GLMN: variants seen among roughly 807,000 people sequenced by gnomAD.
The protein encoded by GLMN is glomulin, FKBP associated protein, also known as glomulin.
GLMN carries 75 observed loss-of-function variants against 87.8 expected under a neutral mutation model. That is an observed-to-expected ratio of 0.85 (90% CI 0.71 to 1.04). The LOEUF is 1.04. Among genes scored for constraint, GLMN ranks in the 50% least tolerant of loss-of-function variants. The pLI, the probability that GLMN is intolerant of heterozygous loss-of-function variation, is 0.00. For synonymous variants in GLMN, 206 were observed against 221.6 expected (o/e 0.93, Z 0.63); for missense variants, 588 against 658.8 (o/e 0.89, Z 1.18).
At chr1:92,360,040 T>A in the GLMN span, among the ~76,000 whole-genome samples, 1 of 152,210 alleles carries the variant, frequency 6.6e-6, no homozygotes, top group Non-Finnish European at 1.5e-5. Flanking sequence ...AGAAATAGGC[T>A]CTGTAAAAAC....
At chr1:92,265,009 T>G (rs541796534) in intron 13 of GLMN, among the ~76,000 whole-genome samples, 3 of 152,268 alleles carry the variant, frequency 2.0e-5, no homozygotes, top group Non-Finnish European at 4.4e-5. Context: ...GCCTGGCTAA[T>G]TTTTTGTATT....
chr1:92,301,357 T>A (rs1650845673), upstream of GLMN: 2 of 406,206 alleles, frequency 4.9e-6, no homozygotes, highest in Non-Finnish European at 4.3e-6. Context: ...TCAAAAAATT[T>A]TTTAAATATA....
At chr1:92,255,342 A>C (rs1405692480) in intron 16 of GLMN, among the ~76,000 whole-genome samples, 6 of 152,204 alleles carry the variant, frequency 3.9e-5, no homozygotes, top group Admixed American at 3.9e-4. Context: ...AATATCAGAC[A>C]GATCAACAAG....
At chr1:92,280,700 A>C (rs1382774855) in intron 7 of GLMN, among the ~76,000 whole-genome samples, 1 of 139,316 alleles carries the variant, frequency 7.2e-6, no homozygotes. Flanking sequence ...AACCCATCAC[A>C]AGGAGGATAA....
In GLMN at chr1:92,271,728, C is replaced by T. The variant is rs75417918; in HGVS notation, c.736-76G>A. ...CCCCACCCCGTGTATTCAAACTCCA[C>T]ATTCTCACCAAGGGGAGGTGTAATC... On this transcript the variant is annotated intron_variant, in intron 7 of 18. Coordinates refer to ENST00000370360, the MANE Select transcript of GLMN (RefSeq NM_053274.3). 3.0e-3 allele frequency: 2,927 copies of T among 975,132 alleles called. 24 individuals are homozygous for T. The highest frequency in any genetic ancestry group is 0.012 in the Middle Eastern group (58 of 4,854). The allele number at this position is 975,132 out of a possible 1,614,324, so 60.4% of individuals were successfully genotyped here. A position where few individuals can be genotyped will look rare whatever the true frequency, so the allele number is the denominator to read the frequency against.
chr1:92,345,848 TAACA>T, the GLMN span: 1 of 1,577,296 alleles, frequency 6.3e-7, no homozygotes, highest in Non-Finnish European at 8.7e-7. Context: ...TCTTTCAGGT[TAACA>T]AATAGAAATA....
At chr1:92,266,551 C>T in intron 12 of GLMN, 59 bp from the exon 13 acceptor site, 1 of 1,134,130 alleles carries the variant, frequency 8.8e-7, no homozygotes, top group Non-Finnish European at 1.3e-6. Flanking sequence ...CAGACTTCAT[C>T]ACTATCCATT....
rs752651186 is a variant in GLMN, at chr1:92,286,573, AT to A, written c.651del (p.Lys217AsnfsTer5). ...AAGAATTGTGCTGTCAGCAAAGGGC[AT>A]TTCAAGCTTTTGAAACAACTAAGGC... ...ELLKFCFKSL[K>X]CPLLTAQFFE... On this transcript the variant is annotated frameshift_variant, in exon 7 of 19. Coordinates refer to ENST00000370360, the MANE Select transcript of GLMN (RefSeq NM_053274.3). LOFTEE classifies it high-confidence loss of function. The A allele has an allele frequency of 1.3e-6, 2 of 1,595,386 alleles. No homozygotes were observed. The highest frequency in any genetic ancestry group is 1.7e-6 in the Non-Finnish European group (2 of 1,163,358).
the GLMN span, among the ~76,000 whole-genome samples, chr1:92,343,047 G>A: frequency 1.7e-4 from 26 of 152,282 alleles, no homozygotes; most frequent in Non-Finnish European, 2.9e-4. Context: ...ATTTAAAGTC[G>A]TAAGATTGGA....
chr1:92,288,223 G>T (rs1444524612), intron 6 of GLMN, among the ~76,000 whole-genome samples: 1 of 152,028 alleles, frequency 6.6e-6, no homozygotes, highest in Non-Finnish European at 1.5e-5. Context: ...GGTCCAGTTG[G>T]ATGTTCTGTC....
intron 17 of GLMN, among the ~76,000 whole-genome samples, chr1:92,247,480 T>C (rs149564712): frequency 6.6e-6 from 1 of 152,166 alleles, no homozygotes; most frequent in Non-Finnish European, 1.5e-5. Flanking sequence ...ACCACAGATA[T>C]ACGGAAGAGA....
At chr1:92,311,338 A>G in the GLMN span, among the ~76,000 whole-genome samples, 3 of 152,236 alleles carry the variant, frequency 2.0e-5, no homozygotes, top group African/African-American at 4.8e-5. Context: ...AGTTTTCTAC[A>G]TAAGGAAATA....
the GLMN span, among the ~76,000 whole-genome samples, chr1:92,338,045 C>A: frequency 1.3e-5 from 2 of 152,010 alleles, no homozygotes; most frequent in Non-Finnish European, 2.9e-5. Context: ...AAAGTTATTA[C>A]TGATTGTTTT....
chr1:92,324,408 C>A, the GLMN span: 2 of 1,503,534 alleles, frequency 1.3e-6, no homozygotes, highest in South Asian at 1.2e-5. Flanking sequence ...TTTTCCAGAT[C>A]GTTAACATTT....
At chr1:92,273,404 A>G (rs570143092) in intron 7 of GLMN, among the ~76,000 whole-genome samples, 1 of 151,506 alleles carries the variant, frequency 6.6e-6, no homozygotes, top group East Asian at 1.9e-4. Context: ...TTATTCAGCC[A>G]ATGCTACATG....
Position 92,290,274 on chromosome 1 carries a change from C to T in GLMN, c.318G>A (p.Leu106=). ...CAGAGGGCTCTTCAATCAGTTCAAG[C>T]AAACCCAACAATAATTCCTTTGGAT... is the stretch of plus-strand genomic sequence containing the variant. ...LCNPKELLLG[L]LELIEEPSGK... is the part of the protein sequence containing the mutation. The change falls in exon 5 of 19, where the codon TTG becomes TTA. Residue 106 remains leucine, a synonymous_variant. Coordinates refer to ENST00000370360, the MANE Select transcript of GLMN (RefSeq NM_053274.3). 3 of 1,604,096 alleles carry T rather than the reference C, an allele frequency of 1.9e-6. No homozygotes were observed. Among genetic ancestry groups the T allele is most frequent in the Non-Finnish European group, 2.6e-6 (3 of 1,171,192 alleles).
chr1:92,360,638 T>C, the GLMN span, among the ~76,000 whole-genome samples: 7 of 152,190 alleles, frequency 4.6e-5, no homozygotes, highest in African/African-American at 1.7e-4. Flanking sequence ...TTGCCTCTTT[T>C]TCTTTCCTAA....
At chr1:92,250,503 T>C (rs1351270523) in intron 16 of GLMN, among the ~76,000 whole-genome samples, 1 of 152,238 alleles carries the variant, frequency 6.6e-6, no homozygotes. Context: ...CATTGCTGTA[T>C]GTTTTCCCAT....
At chr1:92,336,872 T>C in the GLMN span, among the ~76,000 whole-genome samples, 2 of 152,092 alleles carry the variant, frequency 1.3e-5, no homozygotes, top group Non-Finnish European at 1.5e-5. Context: ...CAATTTAATA[T>C]TGAATTACAC....
Sources: allele counts gnomAD v4.1 joint callset (sites outside exome capture counted in the v4.1 genomes callset), GRCh38; gene constraint gnomAD v4.1.1; transcripts MANE v1.5; gene names NCBI Gene and HGNC (gene_info 2026-07-23, HGNC 2026-07-21).